The following STAU1 variants were observed in gnomAD, a reference collection of about 807,000 sequenced individuals.
The protein encoded by STAU1 is staufen double-stranded RNA binding protein 1.
In STAU1, 13 loss-of-function variants were observed where a neutral mutation model predicts 62.9. The ratio of observed to expected loss-of-function variants is 0.21; its 90% CI spans 0.13 to 0.33. STAU1 has a LOEUF of 0.33. Ranked by LOEUF, STAU1 falls within the 10% of genes least tolerant of loss-of-function variation. STAU1 has a pLI of 1.00. For missense variants in STAU1, 571 were observed against 712.1 expected (o/e 0.80, Z 2.25); for synonymous variants, 269 against 265.1 (o/e 1.01, Z -0.14).
chr20:49,164,291 C>G (rs956446611), intron 3 of STAU1, among the ~76,000 whole-genome samples: 24 of 151,940 alleles, frequency 1.6e-4, no homozygotes, highest in African/African-American at 5.8e-4. Context: ...CCTTGCCAGC[C>G]AAGAAGGAGA....
At chr20:49,213,418 T>C in the STAU1 span, among the ~76,000 whole-genome samples, 1 of 152,034 alleles carries the variant, frequency 6.6e-6, no homozygotes, top group East Asian at 1.9e-4. Context: ...TTATTAGAGA[T>C]GGGGTTTCAC....
intron 6 of STAU1, among the ~76,000 whole-genome samples, chr20:49,134,068 C>T (rs567586963): frequency 2.9e-4 from 44 of 152,148 alleles, no homozygotes; most frequent in South Asian, 4.1e-4. Flanking sequence ...TAATCAAGCA[C>T]GTAAATCAAA....
chr20:49,143,144 T>C (rs2093046983), intron 5 of STAU1, among the ~76,000 whole-genome samples: 1 of 152,094 alleles, frequency 6.6e-6, no homozygotes, highest in Non-Finnish European at 1.5e-5. Context: ...ATGTTCCAAG[T>C]AGGGAGGCAG....
intron 2 of STAU1, among the ~76,000 whole-genome samples, chr20:49,169,762 T>C (rs1037936772): frequency 2.6e-5 from 4 of 152,198 alleles, no homozygotes; most frequent in Non-Finnish European, 5.9e-5. Context: ...GGACCTTTCA[T>C]CTCCTGGTTC....
chr20:49,202,287 G>A, the STAU1 span, among the ~76,000 whole-genome samples: 1 of 146,510 alleles, frequency 6.8e-6, no homozygotes, highest in Non-Finnish European at 1.5e-5. Flanking sequence ...GGGACACCGG[G>A]CGTGATGGCT....
intron 4 of STAU1, among the ~76,000 whole-genome samples, chr20:49,153,709 T>TA (rs1376928143): frequency 5.2e-5 from 1 of 19,218 alleles, no homozygotes; most frequent in African/African-American, 3.0e-4. Flanking sequence ...AGACTCTGTC[T>TA]CAAAAAAAAA....
chr20:49,165,868 G>T lies in STAU1; in HGVS notation c.205+129C>A, dbSNP rs547719915. 65 of 868,658 alleles carry T rather than the reference G, an allele frequency of 7.5e-5. No individual in the cohort carries two copies. The East Asian group carries it at 1.1e-3, about 15-fold the overall frequency. 53.8% of individuals were successfully genotyped at this position (868,658 alleles called of 1,614,324 possible). ...TGTTCTATATCTGGGATAAAGAAGT[G>T]TGGGTGGTGATACTTTCTTTTGCTT... On this transcript the variant is annotated intron_variant, in intron 3 of 13. Transcript: ENST00000371856.
intron 5 of STAU1, among the ~76,000 whole-genome samples, chr20:49,139,844 T>C (rs1374199339): frequency 1.3e-5 from 2 of 152,050 alleles, no homozygotes; most frequent in African/African-American, 4.8e-5. Flanking sequence ...CAGTCACTTA[T>C]GAAAATGTAA....
At chr20:49,152,901 A>G (rs2093279726) in intron 4 of STAU1, among the ~76,000 whole-genome samples, 1 of 152,166 alleles carries the variant, frequency 6.6e-6, no homozygotes, top group South Asian at 2.1e-4. Flanking sequence ...TTGAGGGCAC[A>G]AGCCACACTG....
At chr20:49,192,612 G>A (rs939012069), upstream of STAU1, among the ~76,000 whole-genome samples, 1 of 151,622 alleles carries the variant, frequency 6.6e-6, no homozygotes, top group African/African-American at 2.4e-5. Flanking sequence ...CCTGGCCAAC[G>A]TGGCAAAATC....
intron 2 of STAU1, among the ~76,000 whole-genome samples, chr20:49,173,917 G>A (rs957321036): frequency 6.6e-6 from 1 of 152,126 alleles, no homozygotes; most frequent in African/African-American, 2.4e-5. Flanking sequence ...CTATGACCAA[G>A]AAGCTTATTG....
chr20:49,182,713 C>T (rs556185695), intron 1 of STAU1, among the ~76,000 whole-genome samples: 1 of 151,994 alleles, frequency 6.6e-6, no homozygotes, highest in African/African-American at 2.4e-5. Context: ...GTGGCGGGCA[C>T]CTGTAGTCCC....
At chr20:49,167,835 T>C (rs549352880) in intron 2 of STAU1, among the ~76,000 whole-genome samples, 3 of 152,292 alleles carry the variant, frequency 2.0e-5, no homozygotes, top group African/African-American at 2.4e-5. Flanking sequence ...AAAAAGTCAC[T>C]TGTGTATGTA....
chr20:49,206,222 G>A, the STAU1 span, among the ~76,000 whole-genome samples: 1 of 147,924 alleles, frequency 6.8e-6, no homozygotes, highest in African/African-American at 2.5e-5. Context: ...TGGAACTCCT[G>A]ACCTCAAGTG....
chr20:49,151,765 T>A lies in STAU1; in HGVS notation c.345-18A>T. ...AAAAGTACCTAGAAATAAAAGGAGG[T>A]TAGGCAAATTACAGTCTCAAGTTGA... On this transcript the variant is annotated intron_variant, in intron 4 of 13. Coordinates refer to ENST00000371856, the MANE Select transcript of STAU1 (RefSeq NM_017453.4). 1 of 1,600,094 alleles carries A rather than the reference T, an allele frequency of 6.2e-7. No homozygotes were observed. Among genetic ancestry groups the A allele is most frequent in the Non-Finnish European group, 8.5e-7 (1 of 1,175,516 alleles).
intron 6 of STAU1, chr20:49,134,811 T>G: frequency 1.4e-6 from 2 of 1,390,532 alleles, no homozygotes; most frequent in Non-Finnish European, 2.0e-6. Context: ...GAGCCTGGTT[T>G]TCCACTTCAC....
chr20:49,166,285 C>T lies in STAU1; in HGVS notation c.-84G>A. The T allele has an allele frequency of 8.0e-7, 1 of 1,246,018 alleles. No homozygotes were observed. The highest frequency in any genetic ancestry group is 1.5e-5 in the African/African-American group (1 of 66,496). The allele number at this position is 1,246,018 out of a possible 1,614,324, so 77.2% of individuals were successfully genotyped here. A position where few individuals can be genotyped will look rare whatever the true frequency, so the allele number is the denominator to read the frequency against. ...CAGTGCTATGAAGTCTAAAGTTCTA[C>T]CTAAAAGTTGTAAGGGAAAGAAAAT... On this transcript the variant is annotated splice_region_variant and 5_prime_UTR_variant, in exon 3 of 14. Coordinates refer to ENST00000371856, the MANE Select transcript of STAU1 (RefSeq NM_017453.4).
chr20:49,184,471 G>A (rs1432807939), intron 1 of STAU1, among the ~76,000 whole-genome samples: 1 of 152,014 alleles, frequency 6.6e-6, no homozygotes, highest in Non-Finnish European at 1.5e-5. Context: ...GGATGTGGGA[G>A]GAAATCAAGA....
the STAU1 span, among the ~76,000 whole-genome samples, chr20:49,214,678 T>A: frequency 1.3e-5 from 2 of 152,162 alleles, no homozygotes; most frequent in South Asian, 4.1e-4. Flanking sequence ...ATCTGTCCAA[T>A]GGGAATAGCT....
Sources: allele counts gnomAD v4.1 joint callset (sites outside exome capture counted in the v4.1 genomes callset), GRCh38; gene constraint gnomAD v4.1.1; transcripts MANE v1.5; gene names NCBI Gene and HGNC (gene_info 2026-07-23, HGNC 2026-07-21).